Variants in RALGPS1 observed in about 807,000 individuals in gnomAD.
The protein encoded by RALGPS1 is ras-specific guanine nucleotide-releasing factor RalGPS1.
A neutral mutation model predicts 78.8 loss-of-function variants in RALGPS1; 19 were observed. That is an observed-to-expected ratio of 0.24 (90% CI 0.17 to 0.35). RALGPS1 has a LOEUF of 0.35. Ranked by LOEUF, RALGPS1 falls within the 10% of genes least tolerant of loss-of-function variation. The pLI is 1.00. For missense variants in RALGPS1, 454 were observed against 688.3 expected (o/e 0.66, Z 3.81); for synonymous variants, 228 against 256.3 (o/e 0.89, Z 1.06).
chr9:126,915,345 G>A (rs1422460036), intron 1 of RALGPS1: 1 of 139,556 alleles, frequency 7.2e-6, no homozygotes, highest in East Asian at 2.2e-4. Context: ...CGGCGGGGCT[G>A]CCGTGGGCGG....
chr9:127,036,099 G>A (rs1589138225), intron 5 of RALGPS1, among the ~76,000 whole-genome samples: 1 of 152,228 alleles, frequency 6.6e-6, no homozygotes, highest in Admixed American at 6.5e-5. Context: ...GGCTTATTCT[G>A]TGAACAATTG....
chr9:127,030,050 T>G (rs1159508253), intron 4 of RALGPS1, among the ~76,000 whole-genome samples: 1 of 152,238 alleles, frequency 6.6e-6, no homozygotes, highest in Non-Finnish European at 1.5e-5. Context: ...TCTTTGACTG[T>G]CAGATGAATG....
At chr9:127,202,401 C>T (rs1485129554) in intron 14 of RALGPS1, among the ~76,000 whole-genome samples, 2 of 152,144 alleles carry the variant, frequency 1.3e-5, no homozygotes, top group Non-Finnish European at 2.9e-5. Context: ...AGTAGGTCCC[C>T]ATAGTGTTCG....
intron 8 of RALGPS1, among the ~76,000 whole-genome samples, chr9:127,143,466 A>G (rs1469726426): frequency 6.6e-6 from 1 of 152,116 alleles, no homozygotes; most frequent in East Asian, 1.9e-4. Context: ...CAGAGCTCCT[A>G]TACTTTTTCT....
chr9:127,187,610 G>A (rs2060735750), intron 11 of RALGPS1, among the ~76,000 whole-genome samples: 1 of 152,188 alleles, frequency 6.6e-6, no homozygotes, highest in South Asian at 2.1e-4. Flanking sequence ...CAAACCGCAA[G>A]GGAGGAGCAA....
chr9:127,190,574 C>A (rs181453724), intron 11 of RALGPS1, among the ~76,000 whole-genome samples: 1 of 152,272 alleles, frequency 6.6e-6, no homozygotes, highest in African/African-American at 2.4e-5. Flanking sequence ...TGTATTGATA[C>A]CTGTAGATGC....
chr9:127,168,611 A>T, intron 9 of RALGPS1, 68 bp from the exon 10 acceptor site: 1 of 1,082,190 alleles, frequency 9.2e-7, no homozygotes, highest in Non-Finnish European at 1.4e-6. Flanking sequence ...CATGATTTCT[A>T]TACTTCTCAT....
At chr9:126,919,694 C>T (rs1170535295) in intron 1 of RALGPS1, among the ~76,000 whole-genome samples, 1 of 152,130 alleles carries the variant, frequency 6.6e-6, no homozygotes, top group Non-Finnish European at 1.5e-5. Context: ...GAAGGATGAG[C>T]TGCTATGTTA....
At chr9:127,206,548 A>C (rs921572818) in intron 14 of RALGPS1, among the ~76,000 whole-genome samples, 6 of 152,186 alleles carry the variant, frequency 3.9e-5, no homozygotes, top group Non-Finnish European at 8.8e-5. Context: ...AACCACCCCC[A>C]TGATTCAGTT....
Position 126,944,775 on chromosome 9 carries a change from A to G in RALGPS1, c.-65-17450A>G, listed in dbSNP as rs796529212. On this transcript the variant is annotated intron_variant, in intron 1 of 18. Coordinates refer to ENST00000259351, the MANE Select transcript of RALGPS1 (RefSeq NM_014636.3). ...CTACAGACCTTTTTCAGATGTTACC[A>G]GTTTTCCCCACAGTGTCCCTTTTCT... 3.9e-5 allele frequency among the ~76,000 whole-genome samples: 6 copies of G among 152,174 alleles called. No homozygotes were observed. The South Asian group carries it at 8.3e-4, about 21-fold the overall frequency.
In RALGPS1 at chr9:127,126,311, C is replaced by G. The variant is rs553972354; in HGVS notation, c.611-39758C>G. Reference sequence around the variant, plus strand: ...GCTTCTTTTAAGATTTTCTCTTTATCTTTGATTTTTTAGCAGTTTGACCAT... The same window carrying G: ...GCTTCTTTTAAGATTTTCTCTTTATGTTTGATTTTTTAGCAGTTTGACCAT... On this transcript the variant is annotated intron_variant, in intron 8 of 18. Transcript: ENST00000259351. 2.0e-5 allele frequency among the ~76,000 whole-genome samples: 3 copies of G among 152,206 alleles called. No homozygotes were observed. The South Asian group carries it at 6.2e-4, about 32-fold the overall frequency.
chr9:127,175,162 C>T (rs975422734), intron 11 of RALGPS1, among the ~76,000 whole-genome samples: 2 of 152,204 alleles, frequency 1.3e-5, no homozygotes, highest in Admixed American at 6.5e-5. Context: ...TGGAGGGGTG[C>T]GGAGGATGCC....
intron 8 of RALGPS1, among the ~76,000 whole-genome samples, chr9:127,094,936 C>T (rs1434289034): frequency 6.6e-6 from 1 of 152,196 alleles, no homozygotes; most frequent in Non-Finnish European, 1.5e-5. Flanking sequence ...TTCTTATGTT[C>T]CATTGTTGGT....
chr9:127,112,719 T>C (rs924899619), intron 8 of RALGPS1, among the ~76,000 whole-genome samples: 2 of 152,084 alleles, frequency 1.3e-5, no homozygotes, highest in African/African-American at 2.4e-5. Flanking sequence ...AAGCGGGAGA[T>C]TGGAATAATG....
intron 1 of RALGPS1, among the ~76,000 whole-genome samples, chr9:126,922,346 T>A (rs1279293380): frequency 1.3e-5 from 2 of 152,240 alleles, no homozygotes; most frequent in Non-Finnish European, 2.9e-5. Context: ...TTTAAAATCA[T>A]CTGAGATGAA....
chr9:127,218,723 T>C lies in RALGPS1; in HGVS notation c.1645-17T>C. The C allele has an allele frequency of 2.5e-6, 4 of 1,612,908 alleles. No homozygotes were observed. Among genetic ancestry groups the C allele is most frequent in the Non-Finnish European group, 3.4e-6 (4 of 1,178,844 alleles). On this transcript the variant is annotated splice_polypyrimidine_tract_variant and intron_variant, in intron 18 of 18. Transcript: ENST00000259351. The surrounding 1 kb of genome is among the most constrained non-coding windows in gnomAD (Gnocchi z 4.4). ...TGAGGTCGGAACTTTAACAAGAGGC[T>C]GAGCTTTCTCTTCTAGGTACCTGCA... is the stretch of plus-strand genomic sequence containing the variant.
intron 11 of RALGPS1, among the ~76,000 whole-genome samples, chr9:127,179,046 C>T (rs1170688198): frequency 1.3e-5 from 2 of 152,248 alleles, no homozygotes; most frequent in Admixed American, 1.3e-4. Context: ...CTGTAGGCAC[C>T]TGGTCCTCAG....
chr9:127,216,823 C>T (rs911843901), intron 18 of RALGPS1: 2 of 1,307,982 alleles, frequency 1.5e-6, no homozygotes, highest in Admixed American at 3.3e-5. Context: ...CTGGTCACAC[C>T]ATGTGTGTCT....
In RALGPS1 at chr9:127,210,891, A is replaced by G. The variant is rs763649820; in HGVS notation, c.1248-1240A>G. 49 of 882,574 alleles carry G rather than the reference A, an allele frequency of 5.6e-5. 1 individual carries two copies. The highest frequency in any genetic ancestry group is 8.0e-5 in the Non-Finnish European group (46 of 575,428). 54.7% of individuals were successfully genotyped at this position (882,574 alleles called of 1,614,324 possible). On this transcript the variant is annotated intron_variant, in intron 14 of 18. Transcript: ENST00000259351. ...AAAGAAACAGACACAGCCTTTGCCTACATGAGTCTACTGCCAGGTGCACTG... is the reference window on the plus strand; with the variant it reads ...AAAGAAACAGACACAGCCTTTGCCTGCATGAGTCTACTGCCAGGTGCACTG...
Sources: allele counts gnomAD v4.1 joint callset (sites outside exome capture counted in the v4.1 genomes callset), GRCh38; gene constraint gnomAD v4.1.1; non-coding constraint Gnocchi (gnomAD v3.1); transcripts MANE v1.5; gene names NCBI Gene and HGNC (gene_info 2026-07-23, HGNC 2026-07-21).